TEAD1: variants seen among roughly 807,000 people sequenced by gnomAD.
The protein encoded by TEAD1 is transcriptional enhancer factor TEF-1.
TEAD1 carries 9 observed loss-of-function variants against 54.9 expected under a neutral mutation model. That is an observed-to-expected ratio of 0.16 (90% CI 0.10 to 0.29). The LOEUF (loss-of-function observed/expected upper bound fraction) is 0.29. Ranked by LOEUF, TEAD1 falls within the 10% of genes least tolerant of loss-of-function variation. The pLI is 1.00. For synonymous variants in TEAD1, 200 were observed against 187.8 expected (o/e 1.07, Z -0.53); for missense variants, 387 against 535.9 (o/e 0.72, Z 2.74).
At chr11:12,934,802 A>G (rs890911762) in intron 12 of TEAD1, among the ~76,000 whole-genome samples, 1 of 152,112 alleles carries the variant, frequency 6.6e-6, no homozygotes, top group East Asian at 1.9e-4. Flanking sequence ...CTGGGATACA[A>G]TGCAAATAAA....
intron 2 of TEAD1, among the ~76,000 whole-genome samples, chr11:12,684,024 T>G (rs1329633636): frequency 6.6e-6 from 1 of 152,186 alleles, no homozygotes. Context: ...AATGTCATGT[T>G]GCATAATAGA....
intron 3 of TEAD1, among the ~76,000 whole-genome samples, chr11:12,795,916 T>C (rs1440270): frequency 0.96 from 146,576 of 152,270 alleles, 70,830 homozygotes; most frequent in East Asian, 1. Context: ...GATGAGGCAC[T>C]GACGTTTATA....
At chr11:12,680,717 T>C (rs972373062) in intron 2 of TEAD1, among the ~76,000 whole-genome samples, 10 of 152,198 alleles carry the variant, frequency 6.6e-5, no homozygotes, top group African/African-American at 2.4e-4. Context: ...TTCAAATCCC[T>C]ACTGGGATAG....
At chr11:12,776,924 G>A (rs1590139858) in intron 3 of TEAD1, among the ~76,000 whole-genome samples, 1 of 151,730 alleles carries the variant, frequency 6.6e-6, no homozygotes, top group Non-Finnish European at 1.5e-5. Context: ...CCTCCGCAGT[G>A]GCTGGGATTA....
Position 12,878,758 on chromosome 11 carries a change from G to A in TEAD1, c.331-950G>A, listed in dbSNP as rs1287862953. The A allele has an allele frequency of 1.9e-5, 8 of 425,824 alleles. No homozygotes were observed. The Admixed American group carries it at 3.5e-4, about 19-fold the overall frequency. 26.4% of individuals were successfully genotyped at this position (425,824 alleles called of 1,614,324 possible). A position where few individuals can be genotyped will look rare whatever the true frequency, so the allele number is the denominator to read the frequency against. ...CCCCTATGCATTTTATTGTTCCCAAGTATTATATGTTTGTGTACATATATA... is the reference window on the plus strand; with the variant it reads ...CCCCTATGCATTTTATTGTTCCCAAATATTATATGTTTGTGTACATATATA... On this transcript the variant is annotated intron_variant, in intron 5 of 12. Transcript: ENST00000527636.
At chr11:12,726,330 C>A (rs770393222) in intron 2 of TEAD1, among the ~76,000 whole-genome samples, 1 of 152,130 alleles carries the variant, frequency 6.6e-6, no homozygotes, top group African/African-American at 2.4e-5. Context: ...TCATAATTCT[C>A]AAATCCAACT....
intron 2 of TEAD1, among the ~76,000 whole-genome samples, chr11:12,730,416 G>GTTTTTTTTT (rs59731479): frequency 1.7e-5 from 1 of 60,236 alleles, no homozygotes; most frequent in Non-Finnish European, 3.0e-5. Flanking sequence ...CCAGTTGAGT[G>GTTTTTTTTT]TTTTTTTTTT....
chr11:12,722,686 CAAAA>C (rs1453867432), intron 2 of TEAD1, among the ~76,000 whole-genome samples: 4 of 149,204 alleles, frequency 2.7e-5, no homozygotes, highest in Non-Finnish European at 5.9e-5. Context: ...ACTATAACCG[CAAAA>C]AAGACAGTCA....
intron 3 of TEAD1, among the ~76,000 whole-genome samples, chr11:12,795,653 A>C (rs777383288): frequency 1.3e-5 from 2 of 152,202 alleles, no homozygotes; most frequent in African/African-American, 4.8e-5. Context: ...CCTGTGGTCC[A>C]TGGACCAACT....
At chr11:12,713,267 G>T (rs1202557391) in intron 2 of TEAD1, among the ~76,000 whole-genome samples, 1 of 152,094 alleles carries the variant, frequency 6.6e-6, no homozygotes, top group Admixed American at 6.5e-5. Context: ...TGGTTTTCCT[G>T]CCTCAGCCTC....
At position 12,696,890 on chromosome 11, in the gene TEAD1, G is replaced by A. The variant is rs554857719; in HGVS notation, c.-55+21329G>A. ...TATTGGGTTTGAGGGAACTGACTCC[G>A]GTTCCTGGACTGTCTAGCTAACTGG... On this transcript the variant is annotated intron_variant, in intron 2 of 12. Transcript: ENST00000527636. 3.3e-5 allele frequency among the ~76,000 whole-genome samples: 5 copies of A among 152,178 alleles called. No homozygotes were observed. The South Asian group carries it at 6.2e-4, about 19-fold the overall frequency.
At chr11:12,678,404 CTT>C (rs2133806821) in intron 2 of TEAD1, among the ~76,000 whole-genome samples, 1 of 152,298 alleles carries the variant, frequency 6.6e-6, no homozygotes, top group South Asian at 2.1e-4. Flanking sequence ...CTGGCACAAT[CTT>C]TTATAGCTGC....
intron 9 of TEAD1, among the ~76,000 whole-genome samples, chr11:12,898,901 C>G (rs1948368601): frequency 6.6e-6 from 1 of 152,168 alleles, no homozygotes; most frequent in Non-Finnish European, 1.5e-5. Context: ...CTTCATGGTC[C>G]CCATTGGTAT....
chr11:12,923,139 CT>C (rs1948842878), intron 10 of TEAD1, among the ~76,000 whole-genome samples: 1 of 151,916 alleles, frequency 6.6e-6, no homozygotes, highest in Admixed American at 6.6e-5. Context: ...TCAGAGGTGC[CT>C]TTTGGAAGGC....
At chr11:12,805,471 A>G (rs903472808) in intron 3 of TEAD1, among the ~76,000 whole-genome samples, 6 of 152,222 alleles carry the variant, frequency 3.9e-5, no homozygotes, top group African/African-American at 1.4e-4. Context: ...TTTCAAACCT[A>G]GAAGTAAAGA....
chr11:12,857,024 G>A (rs1947397906), intron 3 of TEAD1, among the ~76,000 whole-genome samples: 1 of 152,080 alleles, frequency 6.6e-6, no homozygotes, highest in Admixed American at 6.5e-5. Flanking sequence ...TATATATACA[G>A]CCCACAACAA....
At chr11:12,798,358 C>T (rs1945980669) in intron 3 of TEAD1, among the ~76,000 whole-genome samples, 1 of 152,172 alleles carries the variant, frequency 6.6e-6, no homozygotes, top group African/African-American at 2.4e-5. Context: ...AACATCTTTT[C>T]ATAAACTGTT....
chr11:12,931,975 T>C (rs1175653504), intron 12 of TEAD1, among the ~76,000 whole-genome samples: 2 of 152,184 alleles, frequency 1.3e-5, no homozygotes, highest in African/African-American at 2.4e-5. Context: ...GACCCACTGC[T>C]GTAAGAGATT....
chr11:12,932,536 G>A (rs1949028880), intron 12 of TEAD1, among the ~76,000 whole-genome samples: 1 of 152,104 alleles, frequency 6.6e-6, no homozygotes, highest in African/African-American at 2.4e-5. Context: ...AATGTGGCCT[G>A]GAAAAGTGTT....
Sources: allele counts gnomAD v4.1 joint callset (sites outside exome capture counted in the v4.1 genomes callset), GRCh38; gene constraint gnomAD v4.1.1; transcripts MANE v1.5; gene names NCBI Gene and HGNC (gene_info 2026-07-23, HGNC 2026-07-21).